Variants in GALNT13 observed in about 807,000 individuals in gnomAD.
GALNT13 encodes the protein UDP-GalNAc:polypeptide N-acetylgalactosaminyltransferase 13.
In GALNT13, 28 loss-of-function variants were observed where a neutral mutation model predicts 64.2. That is an observed-to-expected ratio of 0.44 (90% CI 0.32 to 0.60). The LOEUF (loss-of-function observed/expected upper bound fraction) is 0.60. GALNT13 is among the 20% of genes least tolerant of loss of function. GALNT13 has a pLI of 0.05. For synonymous variants in GALNT13, 214 were observed against 224.6 expected, an observed-to-expected ratio of 0.95 and a Z score of 0.42; for missense variants, 577 against 669.8, an observed-to-expected ratio of 0.86 and a Z score of 1.53.
At chr2:153,212,251 T>G in the GALNT13 span, among the ~76,000 whole-genome samples, 1 of 152,172 alleles carries the variant, frequency 6.6e-6, no homozygotes, top group Non-Finnish European at 1.5e-5. Flanking sequence ...TAGTTCAAAA[T>G]CTAATCTAGA....
chr2:153,319,505 C>T, the GALNT13 span, among the ~76,000 whole-genome samples: 19 of 152,092 alleles, frequency 1.2e-4, no homozygotes, highest in African/African-American at 4.6e-4. Flanking sequence ...TCTTGAGCTC[C>T]TGACCTCAAG....
the GALNT13 span, among the ~76,000 whole-genome samples, chr2:153,802,154 A>T: frequency 6.6e-6 from 1 of 152,182 alleles, no homozygotes; most frequent in Admixed American, 6.5e-5. Context: ...CATGCCCTTA[A>T]GTTTTCTTAG....
At chr2:153,905,368 A>G (rs1312993266) in intron 2 of GALNT13, among the ~76,000 whole-genome samples, 1 of 151,928 alleles carries the variant, frequency 6.6e-6, no homozygotes, top group Non-Finnish European at 1.5e-5. Flanking sequence ...TTATATATAG[A>G]CTATGGTTTT....
intron 4 of GALNT13, among the ~76,000 whole-genome samples, chr2:154,212,040 T>A (rs1687801723): frequency 6.6e-6 from 1 of 152,066 alleles, no homozygotes; most frequent in African/African-American, 2.4e-5. Flanking sequence ...GTTTGGAAAA[T>A]TGCATCTTTG....
chr2:154,187,865 A>G (rs1022031159), intron 4 of GALNT13, among the ~76,000 whole-genome samples: 1 of 152,142 alleles, frequency 6.6e-6, no homozygotes, highest in Non-Finnish European at 1.5e-5. Flanking sequence ...ACCATAAGTG[A>G]CAGAAATGCA....
chr2:153,731,935 A>T, the GALNT13 span, among the ~76,000 whole-genome samples: 2 of 151,970 alleles, frequency 1.3e-5, no homozygotes, highest in African/African-American at 4.8e-5. Flanking sequence ...TGTAGCACAA[A>T]GACTGATGCT....
the GALNT13 span, among the ~76,000 whole-genome samples, chr2:153,237,702 T>C: frequency 6.6e-6 from 1 of 152,046 alleles, no homozygotes; most frequent in African/African-American, 2.4e-5. Context: ...GCTGTGTATA[T>C]GTACCATATT....
At chr2:153,299,860 A>G in the GALNT13 span, among the ~76,000 whole-genome samples, 3 of 152,202 alleles carry the variant, frequency 2.0e-5, no homozygotes, top group African/African-American at 7.2e-5. Flanking sequence ...CATTTCAGCC[A>G]TCTGCCCATT....
the GALNT13 span, among the ~76,000 whole-genome samples, chr2:153,335,161 ACCT>A: frequency 6.6e-6 from 1 of 151,998 alleles, no homozygotes; most frequent in African/African-American, 2.4e-5. Context: ...GTCCAATTAA[ACCT>A]CCTTTTCTTC....
intron 10 of GALNT13, among the ~76,000 whole-genome samples, chr2:154,401,539 T>G (rs1168519469): frequency 6.6e-6 from 1 of 152,178 alleles, no homozygotes; most frequent in Non-Finnish European, 1.5e-5. Context: ...CCTTAAAGTA[T>G]GTTGGGCTAG....
chr2:153,749,769 A>G, the GALNT13 span, among the ~76,000 whole-genome samples: 1 of 151,902 alleles, frequency 6.6e-6, no homozygotes, highest in African/African-American at 2.4e-5. Flanking sequence ...AGATCATATC[A>G]TCTGCAAATA....
chr2:153,141,704 C>T, the GALNT13 span, among the ~76,000 whole-genome samples: 14,716 of 151,946 alleles, frequency 0.097, 783 homozygotes, highest in African/African-American at 0.13. Flanking sequence ...CTTTTTCTTC[C>T]CACTAGTTAC....
chr2:153,145,715 A>C, the GALNT13 span, among the ~76,000 whole-genome samples: 9 of 151,850 alleles, frequency 5.9e-5, no homozygotes, highest in Admixed American at 2.0e-4. Flanking sequence ...TAAAAAGTTA[A>C]ATGCTCAGAG....
chr2:153,858,403 G>T, the GALNT13 span, among the ~76,000 whole-genome samples: 3 of 152,062 alleles, frequency 2.0e-5, no homozygotes, highest in African/African-American at 7.2e-5. Flanking sequence ...ATCTAACTTG[G>T]GTTTAATAAT....
At chr2:153,649,093 C>A in the GALNT13 span, among the ~76,000 whole-genome samples, 2 of 152,078 alleles carry the variant, frequency 1.3e-5, no homozygotes, top group African/African-American at 4.8e-5. Flanking sequence ...TCTGTCTGGT[C>A]CTGGACTTTT....
intron 3 of GALNT13, among the ~76,000 whole-genome samples, chr2:154,078,987 A>G (rs573353738): frequency 2.6e-5 from 4 of 151,802 alleles, no homozygotes; most frequent in South Asian, 4.1e-4. Flanking sequence ...ATATGCTGGC[A>G]TATGGCACAT....
intron 9 of GALNT13, among the ~76,000 whole-genome samples, chr2:154,332,953 T>C (rs1296393874): frequency 1.3e-5 from 2 of 152,102 alleles, no homozygotes; most frequent in Non-Finnish European, 2.9e-5. Flanking sequence ...TCCCTACACA[T>C]CATATCTCCT....
At chr2:153,100,597 A>C in the GALNT13 span, among the ~76,000 whole-genome samples, 2 of 152,216 alleles carry the variant, frequency 1.3e-5, no homozygotes, top group African/African-American at 2.4e-5. Context: ...TCCATGGGAA[A>C]TAAGAGTCTC....
chr2:154,061,751 T>A (rs373600388), intron 3 of GALNT13, among the ~76,000 whole-genome samples: 7,635 of 151,924 alleles, frequency 0.05, 377 homozygotes, highest in African/African-American at 0.13. Context: ...TGGAATTTTT[T>A]TATTTCCATT....
Sources: allele counts gnomAD v4.1 joint callset (sites outside exome capture counted in the v4.1 genomes callset), GRCh38; gene constraint gnomAD v4.1.1; transcripts MANE v1.5; gene names NCBI Gene and HGNC (gene_info 2026-07-23, HGNC 2026-07-21).